The following TTN variants were observed in gnomAD, a reference collection of about 807,000 sequenced individuals.
TTN encodes titin.
Under a neutral mutation model 3,223.0 loss-of-function variants are expected in TTN, and 1,525 were observed. That is an observed-to-expected ratio of 0.47 (90% confidence interval 0.45 to 0.49). The LOEUF is 0.49. Ranked by LOEUF, TTN falls within the 20% of genes least tolerant of loss-of-function variation. The probability of loss-of-function intolerance (pLI) is 0.00; values close to 1 mark genes in which losing one functional copy is unlikely to be tolerated. For synonymous variants in TTN, 14,094 were observed against 15,161.0 expected (o/e 0.93, Z 5.17); for missense variants, 40,786 against 43,424.0 (o/e 0.94, Z 5.40).
At position 178,554,118 on chromosome 2, in the gene TTN, T is replaced by C. The variant is rs1700376721; in HGVS notation, c.88993A>G (p.Ile29665Val). ...SRPIADGGSD[I>V]SGYFLEKRDK... The stretch of plus-strand genomic sequence containing the variant: ...CGTTTTTCAAGGAAATAGCCACTTA[T>C]ATCACTACCGCCATCTGCAATTGGC... Residue 29665 changes from isoleucine to valine, a missense_variant, in exon 333 of 363, where the codon ATA becomes GTA. By Grantham distance (29) the Ile-to-Val change is conservative. Coordinates refer to ENST00000589042, the MANE Select transcript of TTN (RefSeq NM_001267550.2). The C allele has an allele frequency of 3.1e-6, 5 of 1,613,776 alleles. No individual in the cohort carries two copies. Among genetic ancestry groups the C allele is most frequent in the South Asian group, 2.2e-5 (2 of 91,094 alleles).
At chr2:178,624,878 T>A in intron 241 of TTN, 147 bp from the exon 242 acceptor site, 1 of 882,474 alleles carries the variant, frequency 1.1e-6, no homozygotes, top group Non-Finnish European at 1.7e-6. Context: ...CATTTTCCTC[T>A]AAAAATGATA....
chr2:178,642,158 G>A, intron 219 of TTN, 79 bp downstream of exon 219: 1 of 1,254,240 alleles, frequency 8.0e-7, no homozygotes, highest in Non-Finnish European at 1.1e-6. Flanking sequence ...AAAACCAAAG[G>A]ACAGAAACAT....
At chr2:178,627,994 T>G (rs1576636056) in intron 240 of TTN, among the ~76,000 whole-genome samples, 1 of 152,074 alleles carries the variant, frequency 6.6e-6, no homozygotes, top group African/African-American at 2.4e-5. Flanking sequence ...CAGTTCAATA[T>G]TTAGAAGACC....
intron 100 of TTN, 47 bp from the exon 101 acceptor site, chr2:178,707,001 AC>A: frequency 1.3e-6 from 2 of 1,497,126 alleles, no homozygotes. Context: ...CCTCAGAATT[AC>A]AATACATATC....
At chr2:178,718,273 G>A (rs766532992) in intron 85 of TTN, 49 bp downstream of exon 85, 1 of 1,596,784 alleles carries the variant, frequency 6.3e-7, no homozygotes, top group Non-Finnish European at 8.5e-7. Context: ...TGTAAAAGAG[G>A]ATGTTTGAAA....
Position 178,718,714 on chromosome 2 carries a change from G to A in TTN, c.24486C>T (p.Thr8162=). ...GCAAACCTTTCACAAAAAGATGTGT[G>A]GTACAGGAAGCACTGCCAGCATCAT... is the stretch of plus-strand genomic sequence containing the variant. ...VTNDAGSASC[T]THLFVKEPAT... is the part of the protein sequence containing the mutation. The change falls in exon 84 of 363, where the codon ACC becomes ACT. Residue 8162 remains threonine, a synonymous_variant. Transcript: ENST00000589042. The A allele has an allele frequency of 6.2e-7, 1 of 1,613,564 alleles. No homozygotes were observed. Among genetic ancestry groups the A allele is most frequent in the South Asian group, 1.1e-5 (1 of 91,048 alleles).
chr2:178,734,700 A>G lies in TTN; in HGVS notation c.15217+7T>C. On this transcript the variant is annotated splice_region_variant and intron_variant, in intron 51 of 362. Coordinates refer to ENST00000589042, the MANE Select transcript of TTN (RefSeq NM_001267550.2). ...AAAAATACTGGATGGAAACTCAGTAAACAAACCTTTGATAACTATTTCAGT... is the reference window on the plus strand; with the variant it reads ...AAAAATACTGGATGGAAACTCAGTAGACAAACCTTTGATAACTATTTCAGT... The G allele has an allele frequency of 1.2e-6, 2 of 1,600,152 alleles. No individual in the cohort carries two copies. Among genetic ancestry groups the G allele is most frequent in the East Asian group, 4.5e-5 (2 of 44,620 alleles).
At position 178,579,407 on chromosome 2, in the gene TTN, G is replaced by C. The variant is rs2047166320; in HGVS notation, c.67637-14C>G. 1.9e-6 allele frequency: 3 copies of C among 1,555,830 alleles called. No individual in the cohort carries two copies. The highest frequency in any genetic ancestry group is 2.6e-6 in the Non-Finnish European group (3 of 1,160,964). ...GATCAGGAGCCACTGTAAAATAGCA[G>C]AGATAAATTACTGTTATTTTTAAGG... On this transcript the variant is annotated splice_polypyrimidine_tract_variant and intron_variant, in intron 319 of 362. Coordinates refer to ENST00000589042, the MANE Select transcript of TTN (RefSeq NM_001267550.2).
At chr2:178,713,851 C>A (rs779054674) in intron 92 of TTN, 46 bp downstream of exon 92, 4 of 1,592,528 alleles carry the variant, frequency 2.5e-6, no homozygotes, top group Admixed American at 3.5e-5. Context: ...AAATCAGGAA[C>A]TACATTATTA....
intron 119 of TTN, among the ~76,000 whole-genome samples, 190 bp from the exon 120 acceptor site, chr2:178,692,770 T>C (rs1479931121): frequency 1.3e-5 from 2 of 152,194 alleles, no homozygotes; most frequent in African/African-American, 2.4e-5. Context: ...CACCTTTAAC[T>C]GCAGAAGCCT....
At chr2:178,599,512 A>G (rs761546008) in intron 289 of TTN, 42 bp downstream of exon 289, 2 of 1,519,270 alleles carry the variant, frequency 1.3e-6, no homozygotes, top group East Asian at 4.6e-5. Context: ...TTATTTATGA[A>G]CAGAAAAACA....
At chr2:178,626,016 G>GTA (rs542471564) in intron 240 of TTN, among the ~76,000 whole-genome samples, 134 of 151,896 alleles carry the variant, frequency 8.8e-4, no homozygotes, top group African/African-American at 3.0e-3. Flanking sequence ...ACGTATATGT[G>GTA]TATATATATG....
intron 360 of TTN, 37 bp from the exon 361 acceptor site, chr2:178,528,464 C>T (rs372781060): frequency 3.1e-6 from 5 of 1,605,420 alleles, no homozygotes; most frequent in Non-Finnish European, 3.4e-6. Flanking sequence ...TGTTGAAGTT[C>T]TTCAGATGTG....
In TTN at chr2:178,714,291, C is replaced by G. The variant is rs1440418037; in HGVS notation, c.26482+1G>C. The G allele has an allele frequency of 1.6e-5, 26 of 1,610,522 alleles. No homozygotes were observed. The highest frequency in any genetic ancestry group is 2.1e-5 in the Non-Finnish European group (25 of 1,177,450). On this transcript the variant is annotated splice_donor_variant, in intron 91 of 362. Transcript: ENST00000589042. LOFTEE classifies it high-confidence loss of function. ...TGTGATAACATCATCTTTTTACTAA[C>G]CGAGAACGGATAGCGTGGCGAAGCA...
chr2:178,643,843 T>C (rs1231896360), intron 218 of TTN, among the ~76,000 whole-genome samples: 2 of 151,998 alleles, frequency 1.3e-5, no homozygotes, highest in Non-Finnish European at 2.9e-5. Context: ...TCTGAATGTG[T>C]TGATTACTTG....
chr2:178,705,578 A>G (rs1259476107), intron 102 of TTN, among the ~76,000 whole-genome samples: 1 of 152,120 alleles, frequency 6.6e-6, no homozygotes, highest in African/African-American at 2.4e-5. Context: ...TAAAATATAG[A>G]TGTAGGAATG....
In TTN at chr2:178,577,131, G is replaced by A. The variant is rs188919648; in HGVS notation, c.69204C>T (p.Gly23068=). The A allele has an allele frequency of 7.4e-6, 12 of 1,613,004 alleles. No individual in the cohort carries two copies. The highest frequency in any genetic ancestry group is 4.4e-5 in the South Asian group (4 of 91,028). ...TLTWTPPLED[G]GSPIKSYILE... is the part of the protein sequence containing the mutation. ...GTATATAGGACTTAATTGGTGAGCC[G>A]CCATCTTCCAAGGGAGGTGTCCATG... is the stretch of plus-strand genomic sequence containing the variant. Residue 23068 remains glycine, a synonymous_variant, in exon 324 of 363, where the codon GGC becomes GGT. Coordinates refer to ENST00000589042, the MANE Select transcript of TTN (RefSeq NM_001267550.2).
chr2:178,776,435 C>T lies in TTN; in HGVS notation c.5429G>A (p.Arg1810Lys), dbSNP rs765046725. 3.7e-6 allele frequency: 6 copies of T among 1,609,810 alleles called. No individual in the cohort carries two copies. The South Asian group carries it at 6.6e-5, about 18-fold the overall frequency. ...TTCTTCAATTCTCTGTAAGCCTTTC[C>T]TCCCCTCAGGCAATTGGGATTCTTC... The part of the protein sequence containing the change: ...LVEESQLPEG[R>K]KGLQRIEELE... The change falls in exon 28 of 363, where the codon AGG becomes AAG. Residue 1810 changes from arginine to lysine, a missense_variant. By Grantham distance (26) the Arg-to-Lys change is conservative. Coordinates refer to ENST00000589042, the MANE Select transcript of TTN (RefSeq NM_001267550.2).
chr2:178,736,566 T>C (rs1273249026), intron 49 of TTN, among the ~76,000 whole-genome samples: 1 of 152,180 alleles, frequency 6.6e-6, no homozygotes, highest in African/African-American at 2.4e-5. Context: ...GAATGCATCC[T>C]CTAGGCCAAC....
Sources: allele counts gnomAD v4.1 joint callset (sites outside exome capture counted in the v4.1 genomes callset), GRCh38; gene constraint gnomAD v4.1.1; transcripts MANE v1.5; gene names NCBI Gene and HGNC (gene_info 2026-07-23, HGNC 2026-07-21).